The following CDIN1 variants were observed in gnomAD, a reference collection of about 807,000 sequenced individuals.
The protein encoded by CDIN1 is CDAN1-interacting nuclease 1.
In CDIN1, 33 loss-of-function variants were observed where a neutral mutation model predicts 45.3. That is an observed-to-expected ratio of 0.73 (90% CI 0.55 to 0.97). CDIN1 has a LOEUF of 0.97. Ranked by LOEUF, CDIN1 falls within the 50% of genes least tolerant of loss-of-function variation. The pLI, the probability that CDIN1 is intolerant of heterozygous loss-of-function variation, is 0.00. For missense variants in CDIN1, 303 were observed against 339.4 expected, an observed-to-expected ratio of 0.89 and a Z score of 0.84; for synonymous variants, 118 against 124.4, an observed-to-expected ratio of 0.95 and a Z score of 0.34.
chr15:36,793,320 T>C (rs774180566), intron 10 of CDIN1, among the ~76,000 whole-genome samples: 6 of 152,154 alleles, frequency 3.9e-5, no homozygotes, highest in Non-Finnish European at 7.4e-5. Context: ...AAGGTATTCC[T>C]GGCCCTATTC....
chr15:36,740,263 C>T (rs182179967), intron 10 of CDIN1, among the ~76,000 whole-genome samples: 58 of 151,946 alleles, frequency 3.8e-4, no homozygotes, highest in Admixed American at 1.2e-3. Context: ...CTTGTGTGGA[C>T]GATAATCACA....
intron 10 of CDIN1, among the ~76,000 whole-genome samples, chr15:36,750,088 C>T (rs751681570): frequency 2.0e-5 from 3 of 151,662 alleles, no homozygotes; most frequent in South Asian, 4.2e-4. Flanking sequence ...TGTGTTGGTT[C>T]GCGGTGGTGG....
intron 1 of CDIN1, among the ~76,000 whole-genome samples, chr15:36,611,036 C>T (rs1043862621): frequency 1.3e-5 from 2 of 152,212 alleles, no homozygotes; most frequent in Non-Finnish European, 2.9e-5. Flanking sequence ...GACTCATTCT[C>T]TTAGCGTTAT....
At chr15:36,649,005 T>G (rs2040466657) in intron 3 of CDIN1, among the ~76,000 whole-genome samples, 1 of 152,220 alleles carries the variant, frequency 6.6e-6, no homozygotes, top group Non-Finnish European at 1.5e-5. Context: ...AAAAAAAAGT[T>G]TAATTTGAGG....
intron 10 of CDIN1, among the ~76,000 whole-genome samples, chr15:36,736,070 G>A (rs1384687721): frequency 6.6e-6 from 1 of 152,010 alleles, no homozygotes; most frequent in Non-Finnish European, 1.5e-5. Flanking sequence ...AATTTTATTT[G>A]GTTACTCCTA....
At chr15:36,768,878 G>C (rs1035420592) in intron 10 of CDIN1, among the ~76,000 whole-genome samples, 2 of 152,042 alleles carry the variant, frequency 1.3e-5, no homozygotes, top group East Asian at 3.9e-4. Context: ...GAGTTTCCTA[G>C]GAGGACCTTT....
chr15:36,774,163 T>TGTGTGTGC (rs149222188), intron 10 of CDIN1, among the ~76,000 whole-genome samples: 31 of 143,152 alleles, frequency 2.2e-4, no homozygotes, highest in African/African-American at 7.7e-4. Flanking sequence ...TGTGTGTGTG[T>TGTGTGTGC]GCGCGCGCGC....
intron 1 of CDIN1, among the ~76,000 whole-genome samples, chr15:36,580,570 G>T (rs1040992566): frequency 6.6e-6 from 1 of 152,124 alleles, no homozygotes; most frequent in Non-Finnish European, 1.5e-5. Flanking sequence ...CACATTCCGG[G>T]TGTATTTCAT....
chr15:36,586,935 A>G (rs754425187), intron 1 of CDIN1, among the ~76,000 whole-genome samples: 7 of 152,220 alleles, frequency 4.6e-5, no homozygotes, highest in Admixed American at 2.0e-4. Flanking sequence ...GATATGGTTA[A>G]GTAGCATTCT....
At chr15:36,768,182 A>C (rs2053974644) in intron 10 of CDIN1, among the ~76,000 whole-genome samples, 1 of 152,178 alleles carries the variant, frequency 6.6e-6, no homozygotes, top group Admixed American at 6.5e-5. Flanking sequence ...AAGGAGATGT[A>C]ATCTTTAAAC....
At chr15:36,653,505 T>C (rs1291241029) in intron 3 of CDIN1, among the ~76,000 whole-genome samples, 3 of 151,688 alleles carry the variant, frequency 2.0e-5, no homozygotes, top group Non-Finnish European at 4.4e-5. Context: ...TTTTGTTTTG[T>C]TTGGGGATTT....
intron 10 of CDIN1, among the ~76,000 whole-genome samples, chr15:36,772,452 G>C (rs1186464039): frequency 1.3e-5 from 2 of 152,182 alleles, no homozygotes; most frequent in Admixed American, 6.5e-5. Context: ...AAAGGCTTCA[G>C]GTAAAGGATT....
At chr15:36,673,395 A>T (rs377023517) in intron 5 of CDIN1, among the ~76,000 whole-genome samples, 1 of 152,086 alleles carries the variant, frequency 6.6e-6, no homozygotes, top group Non-Finnish European at 1.5e-5. Flanking sequence ...TTGCAGTTCA[A>T]TGAGTTGTGT....
At chr15:36,718,812 C>CTTTTTTTTTT (rs3045909) in intron 10 of CDIN1, among the ~76,000 whole-genome samples, 11 of 96,626 alleles carry the variant, frequency 1.1e-4, no homozygotes, top group Non-Finnish European at 1.8e-4. Context: ...AATTTGTATG[C>CTTTTTTTTTT]TTTTTTTTTT....
chr15:36,730,106 T>A (rs1364129596), intron 10 of CDIN1, among the ~76,000 whole-genome samples: 1 of 152,182 alleles, frequency 6.6e-6, no homozygotes. Context: ...CCTATTCATA[T>A]CTACCTATAC....
chr15:36,674,230 G>C (rs1309323351), intron 5 of CDIN1, among the ~76,000 whole-genome samples: 1 of 152,140 alleles, frequency 6.6e-6, no homozygotes, highest in Non-Finnish European at 1.5e-5. Context: ...TGGCATTACA[G>C]CTGTGATGAA....
At chr15:36,630,265 A>G (rs1358745950) in intron 1 of CDIN1, among the ~76,000 whole-genome samples, 3 of 152,330 alleles carry the variant, frequency 2.0e-5, no homozygotes, top group Middle Eastern at 3.4e-3. Context: ...TCCAGTGTCA[A>G]TATGATTATG....
At chr15:36,745,747 T>C (rs2044398782) in intron 10 of CDIN1, among the ~76,000 whole-genome samples, 1 of 152,022 alleles carries the variant, frequency 6.6e-6, no homozygotes, top group South Asian at 2.1e-4. Context: ...GAGTGAATCA[T>C]CTGAAGTCAG....
intron 1 of CDIN1, among the ~76,000 whole-genome samples, chr15:36,608,165 G>A (rs193242231): frequency 1.3e-5 from 2 of 152,074 alleles, no homozygotes; most frequent in East Asian, 3.9e-4. Flanking sequence ...TTTTTGTGTT[G>A]GCCTATGTTT....
Sources: gnomAD v4.1 joint callset for allele counts (sites outside exome capture counted in the v4.1 genomes callset) on GRCh38, gnomAD v4.1.1 for gene constraint, MANE v1.5 for transcripts, NCBI Gene and HGNC (gene_info 2026-07-23, HGNC 2026-07-21) for gene names.